Variants in NEMP2 observed in about 807,000 individuals in gnomAD.
NEMP2 encodes the protein UPF0571 transmembrane protein.
A neutral mutation model predicts 54.2 loss-of-function variants in NEMP2; 53 were observed. The ratio of observed to expected loss-of-function variants is 0.98; its 90% CI spans 0.78 to 1.23. The LOEUF is 1.23. Among genes scored for constraint, NEMP2 ranks in the 50% most tolerant of loss-of-function variants. The probability of loss-of-function intolerance (pLI) is 0.00; values close to 1 mark genes in which losing one functional copy is unlikely to be tolerated. For missense variants in NEMP2, 455 were observed against 511.3 expected, an observed-to-expected ratio of 0.89 and a Z score of 1.06; for synonymous variants, 197 against 190.3, an observed-to-expected ratio of 1.04 and a Z score of -0.29.
chr2:190,647,335 T>C, the NEMP2 span, among the ~76,000 whole-genome samples: 3 of 152,244 alleles, frequency 2.0e-5, no homozygotes, highest in Non-Finnish European at 4.4e-5. Context: ...AAAGGTTCTG[T>C]ACTTTATTAA....
chr2:190,518,846 T>G, intron 3 of NEMP2, 38 bp from the exon 4 acceptor site: 1 of 1,524,386 alleles, frequency 6.6e-7, no homozygotes, highest in Non-Finnish European at 8.8e-7. Context: ...TAACAAAGAT[T>G]TTTTATCAAT....
chr2:190,444,118 C>T, the NEMP2 span, among the ~76,000 whole-genome samples: 6 of 152,140 alleles, frequency 3.9e-5, no homozygotes, highest in Non-Finnish European at 8.8e-5. Context: ...AAATGAAGTA[C>T]TTTTATACTT....
the NEMP2 span, among the ~76,000 whole-genome samples, chr2:190,573,901 G>A: frequency 6.6e-6 from 1 of 152,084 alleles, no homozygotes; most frequent in East Asian, 1.9e-4. Flanking sequence ...AGGCATTTGT[G>A]TACATTATCA....
the NEMP2 span, chr2:190,437,158 G>C: frequency 1.2e-6 from 2 of 1,614,212 alleles, no homozygotes; most frequent in Non-Finnish European, 1.7e-6. The surrounding 1 kb of genome is among the most constrained non-coding windows in gnomAD (Gnocchi z 5.9). Flanking sequence ...CGTCTTCGGC[G>C]TTCTCATGAC....
the NEMP2 span, among the ~76,000 whole-genome samples, chr2:190,454,846 G>T: frequency 6.6e-6 from 1 of 152,040 alleles, no homozygotes; most frequent in Non-Finnish European, 1.5e-5. The surrounding 1 kb of genome is among the most constrained non-coding windows in gnomAD (Gnocchi z 4.6). Context: ...AGGGACCTAT[G>T]GCCTAACATA....
Position 190,510,654 on chromosome 2 carries a change from G to A in NEMP2, c.954-117C>T. 1 of 934,740 alleles carries A rather than the reference G, an allele frequency of 1.1e-6. No homozygotes were observed. The highest frequency in any genetic ancestry group is 2.6e-5 in the East Asian group (1 of 37,840). The allele number at this position is 934,740 out of a possible 1,614,324, so 57.9% of individuals were successfully genotyped here. A position where few individuals can be genotyped will look rare whatever the true frequency, so the allele number is the denominator to read the frequency against. On this transcript the variant is annotated intron_variant, in intron 7 of 8. Coordinates refer to ENST00000409150, the MANE Select transcript of NEMP2 (RefSeq NM_001142645.2). The surrounding 1 kb of genome is among the most constrained non-coding windows in gnomAD (Gnocchi z 5.7). Reference sequence around the variant, plus strand: ...TCCAGCATTTTGGGAGGCCTGGGGAGGCGGATCACGAGGTCAGGAGATTGA... The same window carrying A: ...TCCAGCATTTTGGGAGGCCTGGGGAAGCGGATCACGAGGTCAGGAGATTGA...
rs1202656871 is a variant in NEMP2, at chr2:190,514,634, T to G, written c.772A>C (p.Lys258Gln). 4 of 1,551,740 alleles carry G rather than the reference T, an allele frequency of 2.6e-6. No homozygotes were observed. In the East Asian group the frequency reaches 7.3e-5, roughly 28 times the overall value. ...CTGTCGTCTGCAAGGGGCCCATGCT[T>G]GTAACAAACAACAAAGCTGAAAAAT... ...VGFFSFVVCY[K>Q]HGPLADDRSR... The change falls in exon 7 of 9, where the codon AAG (lysine) becomes CAG (glutamine). Residue 258 changes from lysine to glutamine, a missense_variant. By Grantham distance (53) the Lys-to-Gln change is moderately conservative. Transcript: ENST00000409150. The surrounding 1 kb of genome is among the most constrained non-coding windows in gnomAD (Gnocchi z 5.7).
At chr2:190,569,446 T>G in the NEMP2 span, among the ~76,000 whole-genome samples, 3 of 152,172 alleles carry the variant, frequency 2.0e-5, no homozygotes, top group Non-Finnish European at 4.4e-5. Context: ...ATGAGGACAT[T>G]TAAGAACTTT....
chr2:190,449,248 T>G, the NEMP2 span, among the ~76,000 whole-genome samples: 1 of 152,054 alleles, frequency 6.6e-6, no homozygotes, highest in Non-Finnish European at 1.5e-5. Flanking sequence ...CTGAGGCAGG[T>G]GGATCACCTG....
chr2:190,593,783 G>A, the NEMP2 span, among the ~76,000 whole-genome samples: 4 of 152,150 alleles, frequency 2.6e-5, no homozygotes, highest in Non-Finnish European at 5.9e-5. The surrounding 1 kb of genome is among the most constrained non-coding windows in gnomAD (Gnocchi z 4.5). Flanking sequence ...TCCCAGTTGG[G>A]AGGTATTTTT....
chr2:190,479,467 C>T, the NEMP2 span, among the ~76,000 whole-genome samples: 1 of 152,090 alleles, frequency 6.6e-6, no homozygotes, highest in Non-Finnish European at 1.5e-5. Flanking sequence ...TTTCTCAAGA[C>T]CTCATTTTAA....
At chr2:190,592,461 A>C in the NEMP2 span, among the ~76,000 whole-genome samples, 1 of 152,176 alleles carries the variant, frequency 6.6e-6, no homozygotes, top group African/African-American at 2.4e-5. The surrounding 1 kb of genome is among the most constrained non-coding windows in gnomAD (Gnocchi z 4.4). Context: ...AGTATTTTGG[A>C]ATGTGAAAGC....
At chr2:190,435,935 T>G in the NEMP2 span, 2 of 1,451,536 alleles carry the variant, frequency 1.4e-6, no homozygotes, top group Non-Finnish European at 1.9e-6. Context: ...TTACATGTTA[T>G]GATTTTCATT....
chr2:190,470,625 T>C, the NEMP2 span, among the ~76,000 whole-genome samples: 3 of 152,214 alleles, frequency 2.0e-5, no homozygotes, highest in Admixed American at 2.0e-4. Flanking sequence ...CTAAACAGTC[T>C]GTGATTTGAT....
chr2:190,589,046 G>A, the NEMP2 span, among the ~76,000 whole-genome samples: 1 of 152,026 alleles, frequency 6.6e-6, no homozygotes, highest in Non-Finnish European at 1.5e-5. The surrounding 1 kb of genome is among the most constrained non-coding windows in gnomAD (Gnocchi z 4.3). Context: ...CTTCTGAGTG[G>A]GACCCAAATG....
the NEMP2 span, among the ~76,000 whole-genome samples, chr2:190,440,021 G>A: frequency 1.3e-5 from 2 of 152,198 alleles, no homozygotes; most frequent in African/African-American, 2.4e-5. Context: ...TCTGAATTAT[G>A]AGCCTTGATG....
chr2:190,488,278 AAAC>A, the NEMP2 span, among the ~76,000 whole-genome samples: 1 of 152,252 alleles, frequency 6.6e-6, no homozygotes, highest in Non-Finnish European at 1.5e-5. This position sits in a 1 kb window ranked among gnomAD's most constrained non-coding sequence, Gnocchi z 6.4. Context: ...TAGCAGAAGG[AAAC>A]AACAAATGTC....
At chr2:190,499,256 GTTTC>G in the NEMP2 span, among the ~76,000 whole-genome samples, 533 of 152,302 alleles carry the variant, frequency 3.5e-3, no homozygotes, top group African/African-American at 0.012. The surrounding 1 kb of genome is among the most constrained non-coding windows in gnomAD (Gnocchi z 6.0). Flanking sequence ...ATTATACTAA[GTTTC>G]TTTTTCTTTC....
At chr2:190,483,715 G>A in the NEMP2 span, among the ~76,000 whole-genome samples, 2 of 151,644 alleles carry the variant, frequency 1.3e-5, no homozygotes, top group Admixed American at 1.3e-4. Flanking sequence ...CACACCTGTA[G>A]TCCCAGCTAC....
Sources: allele counts gnomAD v4.1 joint callset (sites outside exome capture counted in the v4.1 genomes callset), GRCh38; gene constraint gnomAD v4.1.1; non-coding constraint Gnocchi (gnomAD v3.1); transcripts MANE v1.5; gene names NCBI Gene and HGNC (gene_info 2026-07-23, HGNC 2026-07-21).